ADGRE5: variants seen among roughly 807,000 people sequenced by gnomAD.
The protein encoded by ADGRE5 is CD97 molecule.
A neutral mutation model predicts 100.3 loss-of-function variants in ADGRE5; 72 were observed. The observed-to-expected ratio is 0.72, with a 90% confidence interval of 0.59 to 0.87. The LOEUF is 0.87. Among genes scored for constraint, ADGRE5 ranks in the 40% least tolerant of loss-of-function variants. The pLI is 0.00. For missense variants in ADGRE5, 959 were observed against 1,094.7 expected (o/e 0.88, Z 1.75); for synonymous variants, 439 against 447.8 (o/e 0.98, Z 0.25).
rs1428253621 is a variant in ADGRE5, at chr19:14,406,805, A to ACAGGCC, written c.2115+47_2116-51dup. The stretch of plus-strand genomic sequence containing the variant: ...CTCCCTCCACCGAAGCCCGAGCGCC[A>ACAGGCC]CAGGCCCAGGCCCGGCTGGACCATC... On this transcript the variant is annotated intron_variant, in intron 16 of 19. Transcript: ENST00000242786. This position sits in a 1 kb window ranked among gnomAD's most constrained non-coding sequence, Gnocchi z 6.0. The ACAGGCC allele has an allele frequency of 1.9e-6, 3 of 1,611,644 alleles. No homozygotes were observed. Among genetic ancestry groups the ACAGGCC allele is most frequent in the East Asian group, 4.5e-5 (2 of 44,882 alleles).
At chr19:14,387,051 A>C (rs1363657519) in intron 1 of ADGRE5, among the ~76,000 whole-genome samples, 4 of 151,950 alleles carry the variant, frequency 2.6e-5, no homozygotes, top group Non-Finnish European at 5.9e-5. Flanking sequence ...ATAAAAGAAG[A>C]AGAAATGAAG....
intron 4 of ADGRE5, among the ~76,000 whole-genome samples, chr19:14,392,213 A>C (rs575482732): frequency 6.6e-6 from 1 of 152,264 alleles, no homozygotes; most frequent in Admixed American, 6.5e-5. Context: ...TGGGAGTTCA[A>C]GACCAGCCTG....
At position 14,387,836 on chromosome 19, in the gene ADGRE5, A is replaced by G. The variant is rs912467530; in HGVS notation, c.23-614A>G. 2.6e-5 allele frequency among the ~76,000 whole-genome samples: 4 copies of G among 152,048 alleles called. 1 individual carries two copies. In the East Asian group the frequency reaches 7.7e-4, roughly 29 times the overall value. On this transcript the variant is annotated intron_variant, in intron 1 of 19. Transcript: ENST00000242786. Reference sequence around the variant, plus strand: ...ACGCCTGTAATCCCAGCACTTTGGGAGGCCAAGACAGGCAGATCACCTGAG... The same window carrying G: ...ACGCCTGTAATCCCAGCACTTTGGGGGGCCAAGACAGGCAGATCACCTGAG...
Position 14,402,876 on chromosome 19 carries a change from C to G in ADGRE5, c.1449+14C>G, listed in dbSNP as rs1976072593. Reference sequence around the variant, plus strand: ...CCTCCTGCCAAGGTCTCTGCTCACTCTGCTCACTTCCTCAAAGATAACCCA... The same window carrying G: ...CCTCCTGCCAAGGTCTCTGCTCACTGTGCTCACTTCCTCAAAGATAACCCA... On this transcript the variant is annotated intron_variant, in intron 12 of 19. Transcript: ENST00000242786. 4.3e-6 allele frequency: 7 copies of G among 1,613,050 alleles called. No homozygotes were observed. The highest frequency in any genetic ancestry group is 1.7e-4 in the Middle Eastern group (1 of 6,058).
intron 13 of ADGRE5, chr19:14,405,429 C>T: frequency 3.3e-6 from 1 of 302,430 alleles, no homozygotes; most frequent in Non-Finnish European, 6.1e-6. Context: ...GAGGCATGAG[C>T]CACCACACCC....
Position 14,403,864 on chromosome 19 carries a change from C to CTTTT in ADGRE5, c.1450-493_1450-490dup, listed in dbSNP as rs58411522. Among the ~76,000 whole-genome samples the CTTTT allele has an allele frequency of 6.1e-4, 45 of 74,300 alleles. 3 individuals are homozygous for CTTTT. The highest frequency in any genetic ancestry group is 1.4e-3 in the African/African-American group (26 of 19,230). The allele number at this position is 74,300 out of a possible 152,430, so 48.7% of individuals were successfully genotyped here. The stretch of plus-strand genomic sequence containing the variant: ...TTTATGTCATAATCTGCCTCTCCCA[C>CTTTT]TTTTTTTTTTTTTTTTTTTTTTTTT... On this transcript the variant is annotated intron_variant, in intron 12 of 19. Transcript: ENST00000242786.
intron 1 of ADGRE5, among the ~76,000 whole-genome samples, chr19:14,382,166 G>A (rs1034014294): frequency 6.6e-6 from 1 of 152,200 alleles, no homozygotes. Flanking sequence ...GGTTATCAGG[G>A]TAGCTCGTTG....
Position 14,406,501 on chromosome 19 carries a change from G to T in ADGRE5, c.1992G>T (p.Leu664=), listed in dbSNP as rs1206605490. The part of the protein sequence containing the change: ...WLCLIGYGVP[L]LIVGVSAAIY... Reference sequence around the variant, plus strand: ...GCCTGATCGGCTATGGCGTGCCCCTGCTCATCGTGGGCGTCTCGGCTGCCA... The same window carrying T: ...GCCTGATCGGCTATGGCGTGCCCCTTCTCATCGTGGGCGTCTCGGCTGCCA... The change falls in exon 15 of 20, where the codon CTG becomes CTT. Residue 664 remains leucine (L), a synonymous_variant. Coordinates refer to ENST00000242786, the MANE Select transcript of ADGRE5 (RefSeq NM_078481.4). This position sits in a 1 kb window ranked among gnomAD's most constrained non-coding sequence, Gnocchi z 6.0. The T allele has an allele frequency of 7.0e-6, 11 of 1,566,070 alleles. No homozygotes were observed. The highest frequency in any genetic ancestry group is 9.5e-6 in the Non-Finnish European group (11 of 1,155,646).
chr19:14,397,353 T>C, intron 6 of ADGRE5, 130 bp downstream of exon 6: 1 of 1,437,016 alleles, frequency 7.0e-7, no homozygotes, highest in Non-Finnish European at 9.5e-7. Context: ...TTCATTCTTC[T>C]GAGGCTAGAT....
intron 9 of ADGRE5, among the ~76,000 whole-genome samples, chr19:14,399,811 T>C (rs576906866): frequency 6.6e-6 from 1 of 151,980 alleles, no homozygotes; most frequent in South Asian, 2.1e-4. Context: ...CCACTTAACA[T>C]CATTTTAACT....
In ADGRE5 at chr19:14,405,870, G is replaced by T; in HGVS notation, c.1752G>T (p.Leu584=). ...PIQGSRTTIH[L]HLCICLFVGS... ...AGGGCTCGCGCACCACCATACACCT[G>T]CACCTCTGCATCTGCCTCTTCGTGG... Residue 584 remains leucine, a synonymous_variant, in exon 14 of 20, where the codon CTG becomes CTT. Coordinates refer to ENST00000242786, the MANE Select transcript of ADGRE5 (RefSeq NM_078481.4). 6.2e-7 allele frequency: 1 copy of T among 1,612,710 alleles called. No homozygotes were observed.
At position 14,385,010 on chromosome 19, in the gene ADGRE5, C is replaced by CTT. The variant is rs56960989; in HGVS notation, c.23-3419_23-3418dup. Among the ~76,000 whole-genome samples, 618 of 68,672 alleles carry CTT rather than the reference C, an allele frequency of 9.0e-3. 1 individual carries two copies. Among genetic ancestry groups the CTT allele is most frequent in the Non-Finnish European group, 0.011 (440 of 39,036 alleles). The allele number at this position is 68,672 out of a possible 152,430, so 45.1% of individuals were successfully genotyped here. ...TTTTTTTTTTTTTGAGACTCTTGCT[C>CTT]TTTTTTTTTTTTTTTTTTTTTTGAG... On this transcript the variant is annotated intron_variant, in intron 1 of 19. Coordinates refer to ENST00000242786, the MANE Select transcript of ADGRE5 (RefSeq NM_078481.4).
At position 14,388,565 on chromosome 19, in the gene ADGRE5, C is replaced by T. The variant is rs10410377; in HGVS notation, c.73+65C>T. 11,277 of 1,587,562 alleles carry T rather than the reference C, an allele frequency of 7.1e-3. 553 individuals carry two copies. In the African/African-American group the frequency reaches 0.13, roughly 18 times the overall value. ...GAGCCTGGGGAGGGTCCTGGACCCCCGCCCAGCCCCCTTCAGCCCAGGGAA... is the reference window on the plus strand; with the variant it reads ...GAGCCTGGGGAGGGTCCTGGACCCCTGCCCAGCCCCCTTCAGCCCAGGGAA... On this transcript the variant is annotated intron_variant, in intron 2 of 19. Coordinates refer to ENST00000242786, the MANE Select transcript of ADGRE5 (RefSeq NM_078481.4).
chr19:14,394,988 C>T (rs993997496), intron 4 of ADGRE5, among the ~76,000 whole-genome samples: 6 of 152,118 alleles, frequency 3.9e-5, no homozygotes, highest in African/African-American at 9.7e-5. Context: ...GTGTGGGCAG[C>T]GTGATGTGGA....
At position 14,388,500 on chromosome 19, in the gene ADGRE5, G is replaced by A. The variant is rs1403532321; in HGVS notation, c.73G>A (p.Gly25Ser). ...GGGAGCTGAAACCCAGGACTCCAGG[G>A]GTGAGTCTGCTGGGAAGCAGAAAGC... ...LPGAETQDSR[G>S]CARWCPQNSS... is the part of the protein sequence containing the mutation. The change falls in exon 2 of 20, where the codon GGC (glycine) becomes AGC (serine). Residue 25 changes from glycine to serine, a missense_variant and splice_region_variant. Around this residue, in one of 6 missense-constraint regions of ADGRE5, gnomAD observed 114 missense variants for 195.7 expected, o/e 0.58. Coordinates refer to ENST00000242786, the MANE Select transcript of ADGRE5 (RefSeq NM_078481.4). 6.3e-7 allele frequency: 1 copy of A among 1,592,062 alleles called. No homozygotes were observed. Among genetic ancestry groups the A allele is most frequent in the African/African-American group, 1.3e-5 (1 of 74,210 alleles).
At position 14,393,206 on chromosome 19, in the gene ADGRE5, A is replaced by G. The variant is rs550816909; in HGVS notation, c.346+2127A>G. On this transcript the variant is annotated intron_variant, in intron 4 of 19. Transcript: ENST00000242786. ...ACAGAGCGAGACTCCATCTAAAAAA[A>G]AAAAAAAAAATCACTTAAAAGCTCC... 2.9e-3 allele frequency among the ~76,000 whole-genome samples: 445 copies of G among 152,324 alleles called. 4 individuals are homozygous for G. Among genetic ancestry groups the G allele is most frequent in the African/African-American group, 0.01 (424 of 41,572 alleles).
chr19:14,398,577 A>G (rs2146364669), intron 9 of ADGRE5, among the ~76,000 whole-genome samples: 1 of 147,858 alleles, frequency 6.8e-6, no homozygotes, highest in African/African-American at 2.5e-5. Context: ...CAGCAGGCTG[A>G]GGCAGGACAA....
intron 5 of ADGRE5, among the ~76,000 whole-genome samples, chr19:14,396,758 A>AGG (rs1177417148): frequency 3.9e-5 from 6 of 152,192 alleles, no homozygotes; most frequent in African/African-American, 1.2e-4. Context: ...AGTTCTAAGA[A>AGG]GGGGAATCTC....
Position 14,407,023 on chromosome 19 carries a change from T to A in ADGRE5, c.2208-38T>A, listed in dbSNP as rs778383060. The stretch of plus-strand genomic sequence containing the variant: ...GGGGTGAGGGGCATGAAGCTGGAGG[T>A]GAGGTGGGGGCCCACGCTGCAACCC... On this transcript the variant is annotated intron_variant, in intron 17 of 19. Transcript: ENST00000242786. 2.5e-6 allele frequency: 4 copies of A among 1,613,326 alleles called. 1 individual carries two copies. In the Admixed American group the frequency reaches 6.7e-5, roughly 27 times the overall value.
Sources: gnomAD v4.1 joint callset for allele counts (sites outside exome capture counted in the v4.1 genomes callset) on GRCh38, gnomAD v4.1.1 for gene constraint, gnomAD v4.1.1 regional missense constraint, Gnocchi (gnomAD v3.1) non-coding constraint, MANE v1.5 for transcripts, NCBI Gene and HGNC (gene_info 2026-07-23, HGNC 2026-07-21) for gene names.